Variants in PSD3 observed in about 807,000 individuals in gnomAD.
PSD3 encodes the protein pleckstrin and Sec7 domain containing 3.
In PSD3, 49 loss-of-function variants were observed where a neutral mutation model predicts 105.5. The ratio of observed to expected loss-of-function variants is 0.46; its 90% CI spans 0.37 to 0.59. PSD3 has a LOEUF of 0.59. Among genes scored for constraint, PSD3 ranks in the 20% least tolerant of loss-of-function variants. The pLI, the probability that PSD3 is intolerant of heterozygous loss-of-function variation, is 0.00. For missense variants in PSD3, 1,561 were observed against 1,263.8 expected (o/e 1.24, Z -3.57); for synonymous variants, 557 against 457.8 (o/e 1.22, Z -2.77).
At chr8:18,839,428 TC>T (rs1319687943) in intron 4 of PSD3, among the ~76,000 whole-genome samples, 2 of 152,172 alleles carry the variant, frequency 1.3e-5, no homozygotes, top group Admixed American at 1.3e-4. Flanking sequence ...AAGGTGAATT[TC>T]CCTGGCATCT....
At chr8:18,570,547 A>G (rs1057221382) in intron 14 of PSD3, among the ~76,000 whole-genome samples, 13 of 149,822 alleles carry the variant, frequency 8.7e-5, no homozygotes, top group Non-Finnish European at 1.9e-4. Context: ...ATAAAATGGG[A>G]GAAAATTTTC....
At chr8:18,855,063 A>T (rs930606204) in intron 4 of PSD3, among the ~76,000 whole-genome samples, 1 of 152,214 alleles carries the variant, frequency 6.6e-6, no homozygotes, top group African/African-American at 2.4e-5. Flanking sequence ...AGTGTGTGTC[A>T]GCCCTAACAG....
chr8:18,653,683 C>T (rs1316728766), intron 10 of PSD3, among the ~76,000 whole-genome samples: 2 of 152,208 alleles, frequency 1.3e-5, no homozygotes, highest in East Asian at 3.9e-4. Flanking sequence ...GCCCCTCCAC[C>T]CTTGGGTAAC....
intron 8 of PSD3, among the ~76,000 whole-genome samples, chr8:18,791,527 C>A (rs183596436): frequency 6.6e-6 from 1 of 152,046 alleles, no homozygotes; most frequent in South Asian, 2.1e-4. Flanking sequence ...GGTAGCCATA[C>A]GCAGAAAACT....
intron 12 of PSD3, among the ~76,000 whole-genome samples, chr8:18,581,708 T>C (rs1435624433): frequency 6.6e-6 from 1 of 152,122 alleles, no homozygotes; most frequent in African/African-American, 2.4e-5. Context: ...ATTTTAAGAG[T>C]CCACTAGCCA....
rs1304054871 is a variant in PSD3, at chr8:18,607,700, AC to A, written c.2411-7267del. ...CACTGCTACAAAAAAAAAAAACAAAACAAAAAAAAAAAGGAAGTCAGGTGTA... is the reference window on the plus strand; with the variant it reads ...CACTGCTACAAAAAAAAAAAACAAAAAAAAAAAAAAAGGAAGTCAGGTGTA... On this transcript the variant is annotated intron_variant, in intron 11 of 15. Transcript: ENST00000327040. 1.9e-4 allele frequency among the ~76,000 whole-genome samples: 17 copies of A among 90,420 alleles called. 4 individuals are homozygous for A. Among genetic ancestry groups the A allele is most frequent in the Non-Finnish European group, 2.6e-4 (11 of 42,112 alleles). The allele number at this position is 90,420 out of a possible 152,430, so 59.3% of individuals were successfully genotyped here. A position where few individuals can be genotyped will look rare whatever the true frequency, so the allele number is the denominator to read the frequency against.
intron 1 of PSD3, among the ~76,000 whole-genome samples, chr8:19,023,391 C>T (rs1586639165): frequency 7.4e-6 from 1 of 134,832 alleles, no homozygotes; most frequent in African/African-American, 2.7e-5. Context: ...TGAATATAGC[C>T]ACTATTTATT....
intron 11 of PSD3, among the ~76,000 whole-genome samples, chr8:18,622,831 C>T (rs1806210688): frequency 6.6e-6 from 1 of 152,158 alleles, no homozygotes; most frequent in Non-Finnish European, 1.5e-5. Context: ...TCTCTCCCTG[C>T]TCCCTCTTAG....
At chr8:18,897,363 T>C (rs1819217818) in intron 2 of PSD3, among the ~76,000 whole-genome samples, 1 of 152,200 alleles carries the variant, frequency 6.6e-6, no homozygotes, top group South Asian at 2.1e-4. Context: ...TTCTGTTCCA[T>C]TGGTCTGTGT....
At chr8:18,928,186 T>C (rs1190277348) in intron 2 of PSD3, among the ~76,000 whole-genome samples, 3 of 152,206 alleles carry the variant, frequency 2.0e-5, no homozygotes, top group Non-Finnish European at 4.4e-5. Context: ...GTGGAGATAA[T>C]GGAATCATGC....
chr8:18,896,105 G>C (rs1819132358), intron 2 of PSD3, among the ~76,000 whole-genome samples: 1 of 152,164 alleles, frequency 6.6e-6, no homozygotes, highest in African/African-American at 2.4e-5. Flanking sequence ...TTAACATAAT[G>C]TCCCCAAGCT....
At position 18,566,311 on chromosome 8, in the gene PSD3, G is replaced by A. The variant is rs1003607386; in HGVS notation, c.2784+6217C>T. ...AGGCCGAGGTGGGCAGACTGCTTGA[G>A]GCCAGGAGTTCGAGACCATCATTGC... On this transcript the variant is annotated intron_variant, in intron 14 of 15. Transcript: ENST00000327040. 2.6e-5 allele frequency among the ~76,000 whole-genome samples: 4 copies of A among 152,178 alleles called. No homozygotes were observed. The Middle Eastern group carries it at 0.01, about 388-fold the overall frequency.
intron 9 of PSD3, among the ~76,000 whole-genome samples, chr8:18,753,006 A>G (rs1043858625): frequency 6.6e-6 from 1 of 151,968 alleles, no homozygotes; most frequent in African/African-American, 2.4e-5. Flanking sequence ...CCAAATGAAC[A>G]GGGTAAGTTC....
At chr8:18,767,963 G>C (rs1807161796) in intron 8 of PSD3, among the ~76,000 whole-genome samples, 1 of 151,440 alleles carries the variant, frequency 6.6e-6, no homozygotes, top group Admixed American at 6.6e-5. Context: ...CAGACTTCTG[G>C]AGATAGACTT....
At chr8:18,902,349 T>C (rs1038739874) in intron 2 of PSD3, among the ~76,000 whole-genome samples, 2 of 152,194 alleles carry the variant, frequency 1.3e-5, no homozygotes, top group African/African-American at 4.8e-5. Context: ...TTCTTTTTTA[T>C]AATTTCTCTC....
intron 4 of PSD3, among the ~76,000 whole-genome samples, chr8:18,821,718 C>CACACACACA (rs1554513426): frequency 5.1e-4 from 33 of 64,468 alleles, no homozygotes; most frequent in South Asian, 1.1e-3. Context: ...CACACACACA[C>CACACACACA]CCCAATAACA....
At chr8:18,653,537 A>C (rs540222765) in intron 10 of PSD3, among the ~76,000 whole-genome samples, 3 of 152,300 alleles carry the variant, frequency 2.0e-5, no homozygotes, top group Admixed American at 2.0e-4. Flanking sequence ...ACTACAGGTT[A>C]ACTTGGTCAG....
At chr8:18,733,110 G>A (rs971756536) in intron 9 of PSD3, 3 of 152,046 alleles carry the variant, frequency 2.0e-5, no homozygotes, top group Non-Finnish European at 4.4e-5. Flanking sequence ...AACAAATGAA[G>A]GAGAACCTAG....
intron 8 of PSD3, among the ~76,000 whole-genome samples, chr8:18,783,989 G>T (rs1808884698): frequency 6.6e-6 from 1 of 151,994 alleles, no homozygotes; most frequent in African/African-American, 2.4e-5. Context: ...TGGACCTATT[G>T]GTTATTTAGG....
Sources: gnomAD v4.1 joint callset for allele counts (sites outside exome capture counted in the v4.1 genomes callset) on GRCh38, gnomAD v4.1.1 for gene constraint, MANE v1.5 for transcripts, NCBI Gene and HGNC (gene_info 2026-07-23, HGNC 2026-07-21) for gene names.